Variants in PXDNL observed in about 807,000 individuals in gnomAD.
PXDNL encodes peroxidasin like.
A neutral mutation model predicts 150.8 loss-of-function variants in PXDNL; 145 were observed. That is an observed-to-expected ratio of 0.96 (90% confidence interval 0.84 to 1.10). PXDNL has a LOEUF of 1.10. Among genes scored for constraint, PXDNL ranks in the 50% least tolerant of loss-of-function variants. The pLI, the probability that PXDNL is intolerant of heterozygous loss-of-function variation, is 0.00. For synonymous variants in PXDNL, 757 were observed against 725.7 expected, an observed-to-expected ratio of 1.04 and a Z score of -0.69; for missense variants, 2,087 against 1,873.9, an observed-to-expected ratio of 1.11 and a Z score of -2.10.
chr8:51,678,681 C>T (rs1815679667), intron 1 of PXDNL, among the ~76,000 whole-genome samples: 1 of 148,576 alleles, frequency 6.7e-6, no homozygotes, highest in Admixed American at 6.8e-5. Flanking sequence ...AACACATGGA[C>T]ACAGGAAGGG....
At chr8:51,740,304 A>G (rs991089915) in intron 1 of PXDNL, among the ~76,000 whole-genome samples, 56 of 152,194 alleles carry the variant, frequency 3.7e-4, no homozygotes, top group African/African-American at 1.3e-3. Context: ...GTGTGCATGT[A>G]TCTTTATAAC....
intron 13 of PXDNL, among the ~76,000 whole-genome samples, chr8:51,425,997 T>C (rs1378496083): frequency 6.6e-6 from 1 of 152,172 alleles, no homozygotes; most frequent in Non-Finnish European, 1.5e-5. Flanking sequence ...TTTTGTAACC[T>C]TTCACAGATT....
At chr8:51,642,909 G>A (rs1378181479) in intron 2 of PXDNL, among the ~76,000 whole-genome samples, 5 of 152,126 alleles carry the variant, frequency 3.3e-5, no homozygotes, top group African/African-American at 1.2e-4. Context: ...CAGGCAAACA[G>A]AGAGCCAAAT....
rs58406482 is a variant in PXDNL at position 51,700,168 on chromosome 8, TACACACAC to T, written c.165-45416_165-45409del. Among the ~76,000 whole-genome samples, 381 of 139,890 alleles carry T rather than the reference TACACACAC, an allele frequency of 2.7e-3. 3 individuals carry two copies. The highest frequency in any genetic ancestry group is 9.1e-3 in the Admixed American group (130 of 14,344). 91.8% of individuals were successfully genotyped at this position (139,890 alleles called of 152,430 possible). A position where few individuals can be genotyped will look rare whatever the true frequency, so the allele number is the denominator to read the frequency against. On this transcript the variant is annotated intron_variant, in intron 1 of 22. Transcript: ENST00000356297. Reference sequence around the variant, plus strand: ...TGCAATAAAACAAGGTATGCCTGCATACACACACACACACACACACACACACACCATCA... The same window carrying T: ...TGCAATAAAACAAGGTATGCCTGCATACACACACACACACACACACCATCA...
At chr8:51,632,295 G>A (rs1404780162) in intron 2 of PXDNL, among the ~76,000 whole-genome samples, 1 of 152,114 alleles carries the variant, frequency 6.6e-6, no homozygotes, top group East Asian at 1.9e-4. Flanking sequence ...ACATCTAACA[G>A]GCTATATTAT....
intron 1 of PXDNL, among the ~76,000 whole-genome samples, chr8:51,731,364 T>C (rs1043839745): frequency 2.0e-5 from 3 of 152,222 alleles, no homozygotes; most frequent in African/African-American, 7.2e-5. Flanking sequence ...ATGTCTCACA[T>C]CCAGGTCACA....
At chr8:51,676,489 C>T (rs1375988334) in intron 1 of PXDNL, among the ~76,000 whole-genome samples, 1 of 152,082 alleles carries the variant, frequency 6.6e-6, no homozygotes, top group African/African-American at 2.4e-5. Flanking sequence ...GTTGGCCAGG[C>T]TGGTCTCGAA....
At chr8:51,333,697 G>C (rs1367175803) in intron 21 of PXDNL, among the ~76,000 whole-genome samples, 1 of 152,138 alleles carries the variant, frequency 6.6e-6, no homozygotes, top group Non-Finnish European at 1.5e-5. Flanking sequence ...AAACTTTAAA[G>C]CATCAGTGGT....
intron 5 of PXDNL, among the ~76,000 whole-genome samples, chr8:51,491,929 G>C (rs1229952391): frequency 1.3e-5 from 2 of 152,222 alleles, no homozygotes; most frequent in Non-Finnish European, 2.9e-5. Context: ...TGCTCACACA[G>C]GTTAGAGCAG....
At chr8:51,667,233 G>A (rs982185887) in intron 1 of PXDNL, among the ~76,000 whole-genome samples, 4 of 152,170 alleles carry the variant, frequency 2.6e-5, no homozygotes, top group Admixed American at 6.5e-5. Flanking sequence ...CTACTATTCT[G>A]TAAGTGCCCC....
chr8:51,733,059 T>A (rs1026295149), intron 1 of PXDNL, among the ~76,000 whole-genome samples: 1 of 152,230 alleles, frequency 6.6e-6, no homozygotes, highest in Non-Finnish European at 1.5e-5. Context: ...AGAGTCTAAA[T>A]TCTGTTTGTC....
chr8:51,453,088 A>C (rs1416596881), intron 10 of PXDNL, among the ~76,000 whole-genome samples: 1 of 152,220 alleles, frequency 6.6e-6, no homozygotes, highest in Admixed American at 6.5e-5. Flanking sequence ...TAGTTTTACT[A>C]TTGCTGTTGT....
At chr8:51,736,574 T>C (rs1360237554) in intron 1 of PXDNL, among the ~76,000 whole-genome samples, 1 of 152,208 alleles carries the variant, frequency 6.6e-6, no homozygotes, top group Non-Finnish European at 1.5e-5. Context: ...TTCCTGTTTG[T>C]CTTTAAAAAC....
At chr8:51,337,217 C>T (rs752662663) in intron 21 of PXDNL, among the ~76,000 whole-genome samples, 1 of 152,074 alleles carries the variant, frequency 6.6e-6, no homozygotes, top group African/African-American at 2.4e-5. Flanking sequence ...TTTTTAATCA[C>T]TACAGCACAT....
At chr8:51,513,719 A>T (rs910420680) in intron 4 of PXDNL, among the ~76,000 whole-genome samples, 2 of 152,244 alleles carry the variant, frequency 1.3e-5, no homozygotes, top group Non-Finnish European at 2.9e-5. Flanking sequence ...AATTGGCTTT[A>T]GAAACTCAAA....
chr8:51,731,416 C>T (rs1344132926), intron 1 of PXDNL, among the ~76,000 whole-genome samples: 1 of 152,250 alleles, frequency 6.6e-6, no homozygotes, highest in Admixed American at 6.5e-5. Context: ...GGCAGCTCCA[C>T]CCCTGTGGCT....
At chr8:51,390,683 T>A (rs1388092951) in intron 17 of PXDNL, among the ~76,000 whole-genome samples, 1 of 152,156 alleles carries the variant, frequency 6.6e-6, no homozygotes, top group Non-Finnish European at 1.5e-5. Flanking sequence ...GATCGCTATT[T>A]GTTTAATGAG....
chr8:51,331,108 G>C (rs912006494), intron 21 of PXDNL, among the ~76,000 whole-genome samples: 1 of 152,194 alleles, frequency 6.6e-6, no homozygotes, highest in Admixed American at 6.5e-5. Context: ...GCAGGAAGCA[G>C]ACTGCTCCTG....
intron 1 of PXDNL, among the ~76,000 whole-genome samples, chr8:51,795,013 G>C (rs2037547402): frequency 6.6e-6 from 1 of 152,074 alleles, no homozygotes; most frequent in African/African-American, 2.4e-5. Context: ...TGACAAAACA[G>C]ACTTTACACT....
Sources: allele counts gnomAD v4.1 joint callset (sites outside exome capture counted in the v4.1 genomes callset), GRCh38; gene constraint gnomAD v4.1.1; transcripts MANE v1.5; gene names NCBI Gene and HGNC (gene_info 2026-07-23, HGNC 2026-07-21).